The following FANCC variants were observed in gnomAD, a reference collection of about 807,000 sequenced individuals.
The protein encoded by FANCC is Fanconi anemia group C protein.
A neutral mutation model predicts 71.3 loss-of-function variants in FANCC; 55 were observed. The observed-to-expected ratio is 0.77, with a 90% CI of 0.62 to 0.97. The LOEUF (loss-of-function observed/expected upper bound fraction) is 0.97, where lower values mean the gene tolerates loss of function less well. Ranked by LOEUF, FANCC falls within the 50% of genes least tolerant of loss-of-function variation. The pLI is 0.00. For synonymous variants in FANCC, 275 were observed against 244.9 expected (o/e 1.12, Z -1.15); for missense variants, 678 against 670.9 (o/e 1.01, Z -0.12).
intron 4 of FANCC, among the ~76,000 whole-genome samples, chr9:95,213,845 A>G (rs1042601379): frequency 6.6e-6 from 1 of 152,238 alleles, no homozygotes; most frequent in African/African-American, 2.4e-5. Context: ...AAGACACTAC[A>G]GATACAGTAA....
chr9:95,216,643 AAAGG>A (rs1240144838), intron 4 of FANCC, among the ~76,000 whole-genome samples: 1 of 152,250 alleles, frequency 6.6e-6, no homozygotes, highest in African/African-American at 2.4e-5. Context: ...CCTCCACGAA[AAAGG>A]AAGTTTGTTT....
At chr9:95,315,105 C>T (rs1221042343) in intron 1 of FANCC, among the ~76,000 whole-genome samples, 1 of 152,216 alleles carries the variant, frequency 6.6e-6, no homozygotes, top group Non-Finnish European at 1.5e-5. Context: ...ACATAAAAGG[C>T]ATGCAGGTCT....
At chr9:95,135,200 CA>C in intron 8 of FANCC, 145 bp downstream of exon 8, 4 of 840,770 alleles carry the variant, frequency 4.8e-6, no homozygotes, top group Admixed American at 2.1e-5. Flanking sequence ...TTAGTGATTT[CA>C]AAAATAAAAT....
intron 4 of FANCC, among the ~76,000 whole-genome samples, chr9:95,195,561 C>T (rs1407189869): frequency 3.9e-5 from 6 of 152,132 alleles, no homozygotes; most frequent in Admixed American, 2.0e-4. Flanking sequence ...GATTTCTCCC[C>T]GTTTTCTTGT....
At chr9:95,204,550 C>T (rs547821398) in intron 4 of FANCC, among the ~76,000 whole-genome samples, 1 of 152,230 alleles carries the variant, frequency 6.6e-6, no homozygotes, top group African/African-American at 2.4e-5. Flanking sequence ...AAATCTGACA[C>T]CCATCAGGAA....
chr9:95,280,771 C>T (rs1480696765), intron 1 of FANCC, among the ~76,000 whole-genome samples: 1 of 152,124 alleles, frequency 6.6e-6, no homozygotes, highest in Non-Finnish European at 1.5e-5. Flanking sequence ...ATTCAAAATA[C>T]TTGTTTTAAG....
At chr9:95,313,077 C>T (rs549841587) in intron 1 of FANCC, among the ~76,000 whole-genome samples, 2 of 152,214 alleles carry the variant, frequency 1.3e-5, no homozygotes, top group African/African-American at 4.8e-5. Context: ...AGAGCCTGCA[C>T]TGGGGAAGAT....
intron 7 of FANCC, 45 bp downstream of exon 7, chr9:95,149,878 A>G (rs1830047072): frequency 6.4e-7 from 1 of 1,559,016 alleles, no homozygotes; most frequent in Non-Finnish European, 8.7e-7. Flanking sequence ...GCCTTCTAAG[A>G]AAAGGAAAAA....
chr9:95,264,391 T>C lies in FANCC; in HGVS notation c.-78-15022A>G, dbSNP rs537092870. 1.1e-4 allele frequency among the ~76,000 whole-genome samples: 17 copies of C among 152,336 alleles called. No homozygotes were observed. The South Asian group carries it at 3.5e-3, about 32-fold the overall frequency. The stretch of plus-strand genomic sequence containing the variant: ...AAAATTCTGACTGATTTTATGTTGA[T>C]AGAAACCCCTGTAGCTCCAAGATTG... On this transcript the variant is annotated intron_variant, in intron 1 of 14. Coordinates refer to ENST00000289081, the MANE Select transcript of FANCC (RefSeq NM_000136.3).
chr9:95,270,782 T>A (rs939246087), intron 1 of FANCC, among the ~76,000 whole-genome samples: 3 of 152,236 alleles, frequency 2.0e-5, no homozygotes, highest in African/African-American at 4.8e-5. Context: ...TGGATTTTTT[T>A]AAAACATAAT....
intron 1 of FANCC, among the ~76,000 whole-genome samples, chr9:95,288,677 G>C (rs561673389): frequency 6.6e-6 from 1 of 151,682 alleles, no homozygotes; most frequent in East Asian, 1.9e-4. Context: ...CTTCCATCTT[G>C]ATTAGTTTGT....
chr9:95,099,105 C>T lies in FANCC; in HGVS notation c.*2602G>A. ...GAATGAAAAAATAGACAACAAATTA[C>T]AGATTTTAAAGAGCTAAAAAATTCC... On this transcript the variant is annotated 3_prime_UTR_variant, in exon 15 of 15. Coordinates refer to ENST00000289081, the MANE Select transcript of FANCC (RefSeq NM_000136.3). The T allele has an allele frequency of 5.0e-6, 1 of 201,420 alleles. No homozygotes were observed. Among genetic ancestry groups the T allele is most frequent in the South Asian group, 1.9e-4 (1 of 5,252 alleles). The allele number at this position is 201,420 out of a possible 1,614,324, so 12.5% of individuals were successfully genotyped here.
intron 4 of FANCC, among the ~76,000 whole-genome samples, chr9:95,239,080 G>A (rs1830489376): frequency 6.6e-6 from 1 of 152,124 alleles, no homozygotes; most frequent in Non-Finnish European, 1.5e-5. Context: ...TCTGCTGACA[G>A]GAATATTCTC....
chr9:95,158,876 C>T (rs1015710707), intron 6 of FANCC, among the ~76,000 whole-genome samples: 3 of 152,090 alleles, frequency 2.0e-5, no homozygotes, highest in African/African-American at 4.8e-5. Context: ...AAAGGCAAGA[C>T]CTATGAAGAA....
intron 6 of FANCC, among the ~76,000 whole-genome samples, chr9:95,165,107 G>A (rs1258314817): frequency 6.6e-6 from 1 of 151,306 alleles, no homozygotes; most frequent in Non-Finnish European, 1.5e-5. Flanking sequence ...TAATTTTTGT[G>A]GCATCAGTTT....
chr9:95,155,271 A>AGGGGAGGGGAGGG (rs1830397317), intron 6 of FANCC, among the ~76,000 whole-genome samples: 1 of 24,696 alleles, frequency 4.0e-5, no homozygotes, highest in Non-Finnish European at 7.2e-5. Flanking sequence ...GGAGGGGAGG[A>AGGGGAGGGGAGGG]AAGGGGAGGG....
chr9:95,221,860 TG>T (rs1829294636), intron 4 of FANCC, among the ~76,000 whole-genome samples: 1 of 152,092 alleles, frequency 6.6e-6, no homozygotes. Flanking sequence ...ACTGATAATG[TG>T]AGGTGTTGGT....
chr9:95,144,910 G>A (rs112600007), intron 7 of FANCC, among the ~76,000 whole-genome samples: 5 of 152,032 alleles, frequency 3.3e-5, no homozygotes, highest in Admixed American at 1.3e-4. Flanking sequence ...CAAACATAAC[G>A]CTCGGACTCC....
At chr9:95,297,479 A>G (rs1834453754) in intron 1 of FANCC, among the ~76,000 whole-genome samples, 1 of 152,128 alleles carries the variant, frequency 6.6e-6, no homozygotes, top group South Asian at 2.1e-4. Context: ...GGAGATACAG[A>G]TGCCCACAAC....
Sources: allele counts gnomAD v4.1 joint callset (sites outside exome capture counted in the v4.1 genomes callset), GRCh38; gene constraint gnomAD v4.1.1; transcripts MANE v1.5; gene names NCBI Gene and HGNC (gene_info 2026-07-23, HGNC 2026-07-21).